Variants in JCAD observed in about 807,000 individuals in gnomAD.
The protein encoded by JCAD is junctional cadherin 5-associated protein.
In JCAD, 40 loss-of-function variants were observed where a neutral mutation model predicts 98.0. The ratio of observed to expected loss-of-function variants is 0.41; its 90% confidence interval spans 0.32 to 0.53. The LOEUF (loss-of-function observed/expected upper bound fraction) is 0.53. JCAD is among the 20% of genes least tolerant of loss of function. JCAD has a pLI of 0.31. For missense variants in JCAD, 1,705 were observed against 1,738.1 expected (o/e 0.98, Z 0.34); for synonymous variants, 691 against 682.3 (o/e 1.01, Z -0.20).
At position 30,029,749 on chromosome 10, in the gene JCAD, G is replaced by T. The variant is rs769420403; in HGVS notation, c.399C>A (p.Asn133Lys). 9 of 1,614,230 alleles carry T rather than the reference G, an allele frequency of 5.6e-6. No homozygotes were observed. Among genetic ancestry groups the T allele is most frequent in the Non-Finnish European group, 8.5e-7 (1 of 1,180,044 alleles). ...CTTGGGCCATTCCTCTGGCCTCCAG[G>T]TTTTCGTGCTCCCTCGGCTTCTGGC... ...ARSQKPREHE[N>K]LEARGMAQAH... Residue 133 changes from asparagine to lysine, a missense_variant, in exon 3 of 4, where the codon AAC (asparagine) becomes AAA (lysine). This residue lies in a region of JCAD where 275 missense variants were observed against 346.9 expected (regional missense o/e 0.79). Transcript: ENST00000375377.
At chr10:30,081,126 G>C (rs888660909) in intron 1 of JCAD, among the ~76,000 whole-genome samples, 47 of 152,170 alleles carry the variant, frequency 3.1e-4, no homozygotes, top group African/African-American at 1.0e-3. Context: ...TGCCTCCTGA[G>C]GTTAAGCTTA....
At chr10:30,100,437 A>G (rs1009411965) in intron 1 of JCAD, among the ~76,000 whole-genome samples, 1 of 152,170 alleles carries the variant, frequency 6.6e-6, no homozygotes, top group African/African-American at 2.4e-5. Context: ...GCTGGAGTGC[A>G]GTGACGCGAT....
At chr10:30,022,208 ATC>A (rs1203347739) in intron 3 of JCAD, among the ~76,000 whole-genome samples, 1 of 152,176 alleles carries the variant, frequency 6.6e-6, no homozygotes, top group Non-Finnish European at 1.5e-5. Flanking sequence ...ACCAACTTTA[ATC>A]TCAAGACACT....
intron 2 of JCAD, among the ~76,000 whole-genome samples, chr10:30,032,473 T>C (rs150607127): frequency 1.3e-4 from 20 of 152,250 alleles, no homozygotes; most frequent in African/African-American, 4.8e-4. Flanking sequence ...GGCCATGTAA[T>C]AGGGAAAAAC....
chr10:30,043,537 T>C (rs1399876752), intron 2 of JCAD, among the ~76,000 whole-genome samples: 2 of 152,148 alleles, frequency 1.3e-5, no homozygotes, highest in East Asian at 3.9e-4. Context: ...AGCAGTGTTA[T>C]GTGCATTATC....
chr10:30,028,373 T>C lies in JCAD; in HGVS notation c.1775A>G (p.His592Arg), dbSNP rs1230187664. The C allele has an allele frequency of 1.2e-6, 2 of 1,614,226 alleles. No homozygotes were observed. Among genetic ancestry groups the C allele is most frequent in the Admixed American group, 1.7e-5 (1 of 60,034 alleles). ...GTTGTCCATATCTCTATCTGGCAGA[T>C]GTGATTCTGATTTCACTGGGATAGA... ...LVSIPVKSES[H>R]LPDRDMDNND... Residue 592 changes from histidine to arginine, a missense_variant, in exon 3 of 4, where the codon CAT (histidine) becomes CGT (arginine). By Grantham distance (29) the His-to-Arg change is conservative. Around this residue, in one of 3 missense-constraint regions of JCAD, gnomAD observed 1,278 missense variants for 1,243.1 expected, o/e 1.03. Transcript: ENST00000375377.
intron 1 of JCAD, among the ~76,000 whole-genome samples, chr10:30,090,177 C>T (rs1445188524): frequency 6.6e-6 from 1 of 152,228 alleles, no homozygotes; most frequent in African/African-American, 2.4e-5. Flanking sequence ...CCTAAGAGGA[C>T]ATCAAGCTCC....
chr10:30,040,581 C>T lies in JCAD; in HGVS notation c.281+6951G>A, dbSNP rs561384585. Among the ~76,000 whole-genome samples, 164 of 152,164 alleles carry T rather than the reference C, an allele frequency of 1.1e-3. 5 individuals carry two copies. Among genetic ancestry groups the T allele is most frequent in the Middle Eastern group, 6.8e-3 (2 of 294 alleles). ...ATTTATGGAGTATTCGCGGTGCCTC[C>T]GACCCACGGTTCTTCAGAAGCCAAG... On this transcript the variant is annotated intron_variant, in intron 2 of 3. Coordinates refer to ENST00000375377, the MANE Select transcript of JCAD (RefSeq NM_020848.4).
At chr10:30,066,974 G>T (rs1230411278) in intron 2 of JCAD, among the ~76,000 whole-genome samples, 1 of 152,048 alleles carries the variant, frequency 6.6e-6, no homozygotes, top group Non-Finnish European at 1.5e-5. Context: ...TCCAGCCTGG[G>T]CAACAGAGTG....
At chr10:30,091,893 T>A (rs900737285) in intron 1 of JCAD, among the ~76,000 whole-genome samples, 1 of 146,538 alleles carries the variant, frequency 6.8e-6, no homozygotes, top group Admixed American at 6.8e-5. Flanking sequence ...CTGGGCCTGG[T>A]GGCACGCGCC....
chr10:30,095,853 T>C (rs944275721), intron 1 of JCAD, among the ~76,000 whole-genome samples: 1 of 152,178 alleles, frequency 6.6e-6, no homozygotes, highest in African/African-American at 2.4e-5. Context: ...AGTGGTAATA[T>C]AAAAAATGAC....
At chr10:30,043,358 A>G (rs1036492901) in intron 2 of JCAD, among the ~76,000 whole-genome samples, 1 of 152,206 alleles carries the variant, frequency 6.6e-6, no homozygotes, top group Non-Finnish European at 1.5e-5. Flanking sequence ...ATTTTACTAG[A>G]TAGAGCTGGT....
At chr10:30,080,924 G>T (rs539278866) in intron 1 of JCAD, among the ~76,000 whole-genome samples, 1 of 152,206 alleles carries the variant, frequency 6.6e-6, no homozygotes, top group Non-Finnish European at 1.5e-5. Flanking sequence ...GGCCCCCGAA[G>T]CCTCTTTCAT....
chr10:30,052,983 T>G (rs141061144), intron 1 of JCAD, among the ~76,000 whole-genome samples: 1 of 152,292 alleles, frequency 6.6e-6, no homozygotes, highest in East Asian at 1.9e-4. Flanking sequence ...TTTTTTCCTT[T>G]TTAAAATTGG....
At chr10:30,020,342 A>AAAAAAG (rs1836637780) in intron 3 of JCAD, among the ~76,000 whole-genome samples, 1 of 151,570 alleles carries the variant, frequency 6.6e-6, no homozygotes, top group South Asian at 2.1e-4. Context: ...AAAAAAAAAA[A>AAAAAAG]AAAAAGAAAA....
intron 3 of JCAD, among the ~76,000 whole-genome samples, chr10:30,019,926 G>A (rs527699473): frequency 5.5e-4 from 82 of 149,700 alleles, no homozygotes; most frequent in African/African-American, 2.0e-3. Flanking sequence ...CAATAAAGCT[G>A]GGAAAAAAAG....
chr10:30,094,279 T>TA (rs79009660), intron 1 of JCAD, among the ~76,000 whole-genome samples: 39,426 of 144,190 alleles, frequency 0.27, 5,397 homozygotes, highest in East Asian at 0.35. Flanking sequence ...CTGTCTCTAC[T>TA]AAAAAAAAAA....
intron 1 of JCAD, among the ~76,000 whole-genome samples, chr10:30,077,513 A>T (rs184555072): frequency 6.6e-6 from 1 of 152,294 alleles, no homozygotes; most frequent in Non-Finnish European, 1.5e-5. Context: ...GTGTTTTACA[A>T]CCATCATGAC....
At chr10:30,067,855 A>G (rs1282220524) in intron 2 of JCAD, among the ~76,000 whole-genome samples, 1 of 152,216 alleles carries the variant, frequency 6.6e-6, no homozygotes, top group Non-Finnish European at 1.5e-5. Context: ...AAGGTGGTGT[A>G]GCCTACTGCA....
Sources: gnomAD v4.1 joint callset for allele counts (sites outside exome capture counted in the v4.1 genomes callset) on GRCh38, gnomAD v4.1.1 for gene constraint, gnomAD v4.1.1 regional missense constraint, MANE v1.5 for transcripts, NCBI Gene and HGNC (gene_info 2026-07-23, HGNC 2026-07-21) for gene names.